Variants in GRID2 observed in about 807,000 individuals in gnomAD.
GRID2 encodes glutamate receptor ionotropic, delta-2.
In GRID2, 33 loss-of-function variants were observed where a neutral mutation model predicts 114.8. That is an observed-to-expected ratio of 0.29 (90% CI 0.22 to 0.38). The LOEUF (loss-of-function observed/expected upper bound fraction) is 0.38. Ranked by LOEUF, GRID2 falls within the 10% of genes least tolerant of loss-of-function variation. GRID2 has a pLI of 1.00. For synonymous variants in GRID2, 505 were observed against 449.9 expected, an observed-to-expected ratio of 1.12 and a Z score of -1.55; for missense variants, 1,184 against 1,257.7, an observed-to-expected ratio of 0.94 and a Z score of 0.89.
At chr4:92,693,874 T>G (rs1734303116) in intron 2 of GRID2, among the ~76,000 whole-genome samples, 1 of 152,224 alleles carries the variant, frequency 6.6e-6, no homozygotes, top group Non-Finnish European at 1.5e-5. Flanking sequence ...AAATATATGA[T>G]ATTACACGTT....
intron 2 of GRID2, among the ~76,000 whole-genome samples, chr4:93,019,381 C>A (rs1483019738): frequency 6.6e-6 from 1 of 151,958 alleles, no homozygotes. Context: ...TCTTCTAAGA[C>A]CATATTCTTG....
At chr4:93,355,865 A>G (rs1761285853) in intron 8 of GRID2, among the ~76,000 whole-genome samples, 1 of 152,050 alleles carries the variant, frequency 6.6e-6, no homozygotes, top group East Asian at 1.9e-4. Context: ...AGAATGCAAG[A>G]AAGTATGATC....
intron 2 of GRID2, among the ~76,000 whole-genome samples, chr4:92,642,245 A>C (rs146230298): frequency 6.6e-4 from 100 of 151,944 alleles, no homozygotes; most frequent in African/African-American, 2.3e-3. Context: ...TGTCTGAACT[A>C]ATTTTCATTC....
rs559186161 is a variant in GRID2, at chr4:92,724,394, C to T, written c.244+134108C>T. Among the ~76,000 whole-genome samples, 74 of 152,232 alleles carry T rather than the reference C, an allele frequency of 4.9e-4. 1 individual carries two copies. The highest frequency in any genetic ancestry group is 1.7e-3 in the African/African-American group (71 of 41,552). On this transcript the variant is annotated intron_variant, in intron 2 of 15. Transcript: ENST00000282020. ...TGAATACGCCTAGGTTAGCATACTG[C>T]AGCTCTATCATGTTCATCTCACTCT...
intron 8 of GRID2, among the ~76,000 whole-genome samples, chr4:93,394,962 A>G (rs1249503477): frequency 6.6e-6 from 1 of 152,044 alleles, no homozygotes; most frequent in Non-Finnish European, 1.5e-5. Context: ...CCTATATAAC[A>G]GCATAAAATT....
chr4:93,627,321 T>C (rs1342535364), intron 14 of GRID2, among the ~76,000 whole-genome samples: 3 of 152,216 alleles, frequency 2.0e-5, no homozygotes, highest in Non-Finnish European at 4.4e-5. Flanking sequence ...ACTTGAGTTA[T>C]ATTTCTCCAA....
intron 2 of GRID2, among the ~76,000 whole-genome samples, chr4:92,859,978 T>C (rs541702638): frequency 6.2e-4 from 95 of 152,230 alleles, no homozygotes; most frequent in Non-Finnish European, 8.2e-4. Flanking sequence ...TTGGCAAATA[T>C]AGGAGGGCAA....
rs151136329 is a variant in GRID2, at chr4:93,494,744, C to A, written c.1997+3967C>A. Among the ~76,000 whole-genome samples the A allele has an allele frequency of 1.7e-4, 26 of 151,738 alleles. No individual in the cohort carries two copies. In the East Asian group the frequency reaches 4.7e-3, roughly 27 times the overall value. Reference sequence around the variant, plus strand: ...CACAAGACTCTAATGACAATTTGGGCTTTTTCATTCCCATTGAGAGGTAAC... The same window carrying A: ...CACAAGACTCTAATGACAATTTGGGATTTTTCATTCCCATTGAGAGGTAAC... On this transcript the variant is annotated intron_variant, in intron 12 of 15. Transcript: ENST00000282020.
intron 4 of GRID2, among the ~76,000 whole-genome samples, chr4:93,205,076 C>G (rs960060039): frequency 1.3e-5 from 2 of 151,974 alleles, no homozygotes; most frequent in South Asian, 4.1e-4. Flanking sequence ...AGTTTGAAGT[C>G]TTTTTAATCT....
intron 2 of GRID2, among the ~76,000 whole-genome samples, chr4:92,882,797 AT>A (rs1218014164): frequency 6.6e-6 from 1 of 152,166 alleles, no homozygotes; most frequent in Non-Finnish European, 1.5e-5. Context: ...TGTCTAAAAA[AT>A]GTACATATTT....
chr4:93,325,947 T>A (rs780962582), intron 8 of GRID2, among the ~76,000 whole-genome samples: 12 of 152,156 alleles, frequency 7.9e-5, no homozygotes, highest in Admixed American at 3.3e-4. Context: ...ATACATTTTG[T>A]GTTACTCCTT....
At chr4:92,567,949 T>C (rs1172180067) in intron 1 of GRID2, among the ~76,000 whole-genome samples, 1 of 151,944 alleles carries the variant, frequency 6.6e-6, no homozygotes, top group Non-Finnish European at 1.5e-5. Context: ...AAACAAGAGA[T>C]ATATAGTTAA....
intron 1 of GRID2, among the ~76,000 whole-genome samples, chr4:92,379,738 T>C (rs1729524038): frequency 1.3e-5 from 2 of 152,048 alleles, no homozygotes; most frequent in South Asian, 4.1e-4. Flanking sequence ...CCTCCCATGA[T>C]GCTGGTTTCT....
intron 2 of GRID2, among the ~76,000 whole-genome samples, chr4:92,888,695 C>T (rs1348603624): frequency 6.6e-6 from 1 of 151,698 alleles, no homozygotes; most frequent in Non-Finnish European, 1.5e-5. Flanking sequence ...ATTAATATTC[C>T]TATTTCATGT....
chr4:93,701,434 A>C (rs1461454115), intron 14 of GRID2, among the ~76,000 whole-genome samples: 1 of 152,168 alleles, frequency 6.6e-6, no homozygotes, highest in Non-Finnish European at 1.5e-5. Flanking sequence ...TGATTATTTC[A>C]GGCTAATTTC....
At chr4:92,589,729 A>T (rs910069771) in intron 1 of GRID2, among the ~76,000 whole-genome samples, 3 of 152,306 alleles carry the variant, frequency 2.0e-5, no homozygotes, top group South Asian at 2.1e-4. Flanking sequence ...ATTCCTATAT[A>T]TTCTATGAAT....
intron 1 of GRID2, among the ~76,000 whole-genome samples, chr4:92,338,751 A>G (rs1276366540): frequency 6.6e-6 from 1 of 152,168 alleles, no homozygotes. Flanking sequence ...AGTGTAAAGA[A>G]AAGCATATTT....
At chr4:93,721,595 A>G (rs1729378091) in intron 14 of GRID2, among the ~76,000 whole-genome samples, 1 of 152,198 alleles carries the variant, frequency 6.6e-6, no homozygotes, top group Non-Finnish European at 1.5e-5. Context: ...AAATTGTTAT[A>G]ATAATGGTAT....
At chr4:92,814,599 A>G (rs1740797262) in intron 2 of GRID2, among the ~76,000 whole-genome samples, 1 of 152,122 alleles carries the variant, frequency 6.6e-6, no homozygotes, top group Non-Finnish European at 1.5e-5. Context: ...CTCCTCTTCA[A>G]AGCCATCTAA....
Sources: gnomAD v4.1 joint callset for allele counts (sites outside exome capture counted in the v4.1 genomes callset) on GRCh38, gnomAD v4.1.1 for gene constraint, MANE v1.5 for transcripts, NCBI Gene and HGNC (gene_info 2026-07-23, HGNC 2026-07-21) for gene names.